Variants in GALNT2 observed in about 807,000 individuals in gnomAD.
The protein encoded by GALNT2 is UDP-GalNAc:polypeptide N-acetylgalactosaminyltransferase 2.
Under a neutral mutation model 81.4 loss-of-function variants are expected in GALNT2, and 31 were observed. That is an observed-to-expected ratio of 0.38 (90% CI 0.29 to 0.51). The LOEUF is 0.51. Among genes scored for constraint, GALNT2 ranks in the 20% least tolerant of loss-of-function variants. GALNT2 has a pLI of 0.87. For missense variants in GALNT2, 629 were observed against 765.7 expected, an observed-to-expected ratio of 0.82 and a Z score of 2.11; for synonymous variants, 303 against 287.4, an observed-to-expected ratio of 1.05 and a Z score of -0.55.
chr1:230,116,807 A>G (rs1438380273), intron 1 of GALNT2, among the ~76,000 whole-genome samples: 1 of 152,216 alleles, frequency 6.6e-6, no homozygotes, highest in Non-Finnish European at 1.5e-5. Flanking sequence ...TGTTCCATTT[A>G]TAGAGCACAG....
chr1:230,084,288 G>T (rs1197247852), intron 1 of GALNT2, among the ~76,000 whole-genome samples: 2 of 152,136 alleles, frequency 1.3e-5, no homozygotes, highest in African/African-American at 4.8e-5. Context: ...GGCTCCATGA[G>T]AGGTGAGTCC....
At chr1:230,112,392 G>T (rs75632149) in intron 1 of GALNT2, among the ~76,000 whole-genome samples, 1 of 142,996 alleles carries the variant, frequency 7.0e-6, no homozygotes, top group Admixed American at 6.8e-5. Context: ...GAGGGGGGGG[G>T]CCTGCATTTA....
At position 230,273,515 on chromosome 1, in the gene GALNT2, A is replaced by G. The variant is rs905729823; in HGVS notation, c.1441-930A>G. Among the ~76,000 whole-genome samples, 4 of 152,226 alleles carry G rather than the reference A, an allele frequency of 2.6e-5. No homozygotes were observed. In the South Asian group the frequency reaches 8.3e-4, roughly 31 times the overall value. ...AGGGGTGTTCATCCCTTTGAGTGGG[A>G]CAAATGGAGAGTGATGGTCAGAAGC... On this transcript the variant is annotated intron_variant, in intron 14 of 15. Transcript: ENST00000366672.
intron 1 of GALNT2, among the ~76,000 whole-genome samples, chr1:230,155,945 T>C (rs1662237774): frequency 1.3e-5 from 2 of 152,020 alleles, no homozygotes; most frequent in South Asian, 4.1e-4. Context: ...TTGTGTCAGA[T>C]CAGGAAAACC....
chr1:230,172,183 A>G (rs1572046480), intron 1 of GALNT2, among the ~76,000 whole-genome samples: 1 of 152,212 alleles, frequency 6.6e-6, no homozygotes, highest in African/African-American at 2.4e-5. Flanking sequence ...ACTAGGCCAT[A>G]AAAGGCATCA....
intron 1 of GALNT2, among the ~76,000 whole-genome samples, chr1:230,148,778 G>A (rs879817133): frequency 4.0e-5 from 6 of 151,704 alleles, no homozygotes; most frequent in Non-Finnish European, 8.8e-5. Flanking sequence ...GTAGAGACAG[G>A]GTTTCGCTCT....
intron 1 of GALNT2, among the ~76,000 whole-genome samples, chr1:230,121,789 A>G (rs1206643822): frequency 6.6e-6 from 1 of 152,152 alleles, no homozygotes; most frequent in Non-Finnish European, 1.5e-5. Context: ...GATCCCAAAA[A>G]GGGGACATTG....
At chr1:230,141,218 G>C (rs1558105400) in intron 1 of GALNT2, among the ~76,000 whole-genome samples, 1 of 152,206 alleles carries the variant, frequency 6.6e-6, no homozygotes, top group Non-Finnish European at 1.5e-5. Flanking sequence ...GCTGAAAGGA[G>C]AGATCCTGCC....
At chr1:230,130,818 C>T (rs944718503) in intron 1 of GALNT2, among the ~76,000 whole-genome samples, 7 of 152,096 alleles carry the variant, frequency 4.6e-5, no homozygotes, top group African/African-American at 1.2e-4. Flanking sequence ...GGGACACCAG[C>T]GAAGCTGCAA....
At chr1:230,228,072 AAT>A (rs1301871967) in intron 3 of GALNT2, among the ~76,000 whole-genome samples, 2 of 152,168 alleles carry the variant, frequency 1.3e-5, no homozygotes, top group Non-Finnish European at 2.9e-5. Flanking sequence ...TCAAAAATGT[AAT>A]AGGAAAAGAG....
chr1:230,157,187 T>C (rs1662283777), intron 1 of GALNT2, among the ~76,000 whole-genome samples: 1 of 152,150 alleles, frequency 6.6e-6, no homozygotes, highest in Admixed American at 6.5e-5. Flanking sequence ...CTGTGTAGTA[T>C]TGAGTGAGCA....
rs34482749 is a variant in GALNT2, at chr1:230,075,121, C to CTTTTTT, written c.126+7732_126+7737dup. On this transcript the variant is annotated intron_variant, in intron 1 of 15. Coordinates refer to ENST00000366672, the MANE Select transcript of GALNT2 (RefSeq NM_004481.5). ...TTGATAGTAGTGCTGGTCTGTTTTG[C>CTTTTTT]TTTTTTTTTTTTTTTTTTTTTTGAG... is the stretch of plus-strand genomic sequence containing the variant. Among the ~76,000 whole-genome samples, 165 of 92,592 alleles carry CTTTTTT rather than the reference C, an allele frequency of 1.8e-3. 1 individual carries two copies. The highest frequency in any genetic ancestry group is 3.3e-3 in the African/African-American group (76 of 22,906). 60.7% of individuals were successfully genotyped at this position (92,592 alleles called of 152,430 possible).
At chr1:230,207,709 C>T (rs1381240913) in intron 3 of GALNT2, among the ~76,000 whole-genome samples, 4 of 152,126 alleles carry the variant, frequency 2.6e-5, no homozygotes, top group Admixed American at 1.3e-4. Flanking sequence ...CTGCCCCAGC[C>T]TCCTGAGTAG....
At chr1:230,079,329 C>A (rs1218821620) in intron 1 of GALNT2, among the ~76,000 whole-genome samples, 1 of 152,246 alleles carries the variant, frequency 6.6e-6, no homozygotes, top group Admixed American at 6.5e-5. Context: ...AGCCATTGCT[C>A]ATTTGTCTTG....
chr1:230,074,961 A>G (rs979924806), intron 1 of GALNT2, among the ~76,000 whole-genome samples: 74 of 152,292 alleles, frequency 4.9e-4, no homozygotes, highest in African/African-American at 1.7e-3. Context: ...TCTGCCAGCC[A>G]GCAGTGAACC....
In GALNT2 at chr1:230,203,301, C is replaced by A. The variant is rs76813899; in HGVS notation, c.374+11C>A. The A allele has an allele frequency of 3.2e-3, 5,116 of 1,610,922 alleles. 130 individuals are homozygous for A. The African/African-American group carries it at 0.06, about 19-fold the overall frequency. On this transcript the variant is annotated intron_variant, in intron 3 of 15. Transcript: ENST00000366672. Reference sequence around the variant, plus strand: ...CACCCGGCATGACCAGTAAGTACCCCACTAAGCACCTGCTGCAGCTTCATT... The same window carrying A: ...CACCCGGCATGACCAGTAAGTACCCAACTAAGCACCTGCTGCAGCTTCATT...
At chr1:230,156,560 G>A (rs991919520) in intron 1 of GALNT2, among the ~76,000 whole-genome samples, 1 of 152,082 alleles carries the variant, frequency 6.6e-6, no homozygotes. Flanking sequence ...CCTAGATGCT[G>A]GATATTTTAT....
chr1:230,241,563 C>T (rs940024723), intron 6 of GALNT2, among the ~76,000 whole-genome samples: 1 of 152,158 alleles, frequency 6.6e-6, no homozygotes, highest in Admixed American at 6.5e-5. Flanking sequence ...TCTCCTACCT[C>T]AGCCTGCCGA....
chr1:230,100,938 C>G (rs776566047), intron 1 of GALNT2, among the ~76,000 whole-genome samples: 1 of 152,134 alleles, frequency 6.6e-6, no homozygotes, highest in Non-Finnish European at 1.5e-5. Context: ...TCACAGTGGT[C>G]CCGTAAGATT....
Sources: gnomAD v4.1 joint callset for allele counts (sites outside exome capture counted in the v4.1 genomes callset) on GRCh38, gnomAD v4.1.1 for gene constraint, MANE v1.5 for transcripts, NCBI Gene and HGNC (gene_info 2026-07-23, HGNC 2026-07-21) for gene names.